DNAH9: variants seen among roughly 807,000 people sequenced by gnomAD.
DNAH9 encodes the protein dynein axonemal heavy chain 9, also known as DNAH9 variant protein.
DNAH9 carries 345 observed loss-of-function variants against 471.6 expected under a neutral mutation model. The ratio of observed to expected loss-of-function variants is 0.73; its 90% CI spans 0.67 to 0.80. DNAH9 has a LOEUF of 0.80. DNAH9 is among the 30% of genes least tolerant of loss of function. DNAH9 has a pLI of 0.00. For synonymous variants in DNAH9, 2,093 were observed against 2,123.6 expected (o/e 0.99, Z 0.40); for missense variants, 5,407 against 5,609.2 (o/e 0.96, Z 1.15).
intron 10 of DNAH9, among the ~76,000 whole-genome samples, chr17:11,640,986 ATGT>A (rs936586600): frequency 2.0e-5 from 3 of 152,246 alleles, no homozygotes; most frequent in East Asian, 3.9e-4. Flanking sequence ...GCTAATTGTG[ATGT>A]TGTGTTTAAG....
At chr17:11,643,214 G>A (rs2073311464) in intron 10 of DNAH9, among the ~76,000 whole-genome samples, 1 of 152,212 alleles carries the variant, frequency 6.6e-6, no homozygotes, top group Non-Finnish European at 1.5e-5. Context: ...CTCTTCCGTG[G>A]TCCTTAGCAT....
At chr17:11,604,692 G>A (rs761111945) in intron 1 of DNAH9, among the ~76,000 whole-genome samples, 3 of 151,936 alleles carry the variant, frequency 2.0e-5, no homozygotes, top group Non-Finnish European at 4.4e-5. Flanking sequence ...GAGTCATCCT[G>A]ACCCTTTTTT....
chr17:11,791,405 G>A (rs995980931), intron 41 of DNAH9, among the ~76,000 whole-genome samples: 2 of 152,258 alleles, frequency 1.3e-5, no homozygotes, highest in South Asian at 2.1e-4. Flanking sequence ...AAGCAAACCT[G>A]TATAAAGAAA....
intron 14 of DNAH9, among the ~76,000 whole-genome samples, chr17:11,659,189 A>C (rs902182150): frequency 9.9e-5 from 15 of 152,028 alleles, no homozygotes; most frequent in Non-Finnish European, 2.2e-4. Context: ...TTTTTGCCTA[A>C]CACCTTTATT....
intron 53 of DNAH9, among the ~76,000 whole-genome samples, chr17:11,876,005 T>A (rs778765387): frequency 3.9e-5 from 6 of 152,034 alleles, no homozygotes; most frequent in African/African-American, 9.7e-5. Context: ...ATCCACACAG[T>A]TAATAAGGTT....
intron 41 of DNAH9, among the ~76,000 whole-genome samples, chr17:11,790,339 G>A (rs1017212755): frequency 2.0e-5 from 3 of 151,922 alleles, no homozygotes; most frequent in Non-Finnish European, 4.4e-5. Flanking sequence ...TATATATTTT[G>A]AAACTGTGTT....
intron 17 of DNAH9, among the ~76,000 whole-genome samples, chr17:11,671,591 G>A (rs2150730943): frequency 6.6e-6 from 1 of 152,322 alleles, no homozygotes; most frequent in South Asian, 2.1e-4. Context: ...TAATGGCCCA[G>A]AGCATGAGAG....
chr17:11,685,306 A>G (rs933049659), intron 19 of DNAH9, among the ~76,000 whole-genome samples: 1 of 152,204 alleles, frequency 6.6e-6, no homozygotes, highest in Non-Finnish European at 1.5e-5. Flanking sequence ...AGCACATACG[A>G]AGATGCAGAA....
intron 43 of DNAH9, among the ~76,000 whole-genome samples, chr17:11,806,362 T>C (rs1969682756): frequency 6.6e-6 from 1 of 152,138 alleles, no homozygotes; most frequent in Admixed American, 6.5e-5. Context: ...ACTTAAAAAA[T>C]ATATACAGTG....
At chr17:11,822,359 G>A (rs900833259) in intron 46 of DNAH9, 79 bp from the exon 47 acceptor site, 16 of 1,520,082 alleles carry the variant, frequency 1.1e-5, no homozygotes, top group Non-Finnish European at 2.7e-6. Flanking sequence ...GGGAGCTAGA[G>A]AACCCAAGGC....
At chr17:11,839,401 A>AG (rs1387410074) in intron 49 of DNAH9, among the ~76,000 whole-genome samples, 1 of 152,038 alleles carries the variant, frequency 6.6e-6, no homozygotes, top group Non-Finnish European at 1.5e-5. Context: ...CTGTAGTCCC[A>AG]GCTACTCGGG....
chr17:11,696,246 T>G (rs2074474805), intron 22 of DNAH9, among the ~76,000 whole-genome samples: 1 of 152,260 alleles, frequency 6.6e-6, no homozygotes, highest in South Asian at 2.1e-4. Flanking sequence ...CCTACCTGTT[T>G]GCACTTTGCT....
intron 67 of DNAH9, among the ~76,000 whole-genome samples, chr17:11,958,746 AAAG>A (rs1567577986): frequency 2.0e-5 from 3 of 150,878 alleles, no homozygotes; most frequent in Admixed American, 6.6e-5. Flanking sequence ...AAAAAAAAAT[AAAG>A]TATATTAAGA....
intron 44 of DNAH9, 111 bp downstream of exon 44, chr17:11,808,005 T>C (rs1969756622): frequency 1.6e-6 from 2 of 1,235,186 alleles, no homozygotes; most frequent in Non-Finnish European, 1.1e-6. Context: ...TCCCCTTCAA[T>C]GTCTGTCCAT....
intron 27 of DNAH9, among the ~76,000 whole-genome samples, chr17:11,724,786 GTC>G (rs1445785554): frequency 6.6e-6 from 1 of 152,164 alleles, no homozygotes; most frequent in Non-Finnish European, 1.5e-5. Context: ...GTGGGGGATG[GTC>G]TCGGGATGAT....
intron 36 of DNAH9, among the ~76,000 whole-genome samples, chr17:11,766,200 A>C (rs1967928467): frequency 6.6e-6 from 1 of 152,138 alleles, no homozygotes; most frequent in South Asian, 2.1e-4. Flanking sequence ...GTTTGGTCAA[A>C]ATATTCACAT....
intron 49 of DNAH9, among the ~76,000 whole-genome samples, chr17:11,842,713 G>A (rs1323506650): frequency 2.0e-5 from 3 of 152,176 alleles, no homozygotes; most frequent in Non-Finnish European, 4.4e-5. Context: ...AGAAGACGCA[G>A]CAAGTCAGCT....
At chr17:11,622,891 C>T (rs191738447) in intron 6 of DNAH9, among the ~76,000 whole-genome samples, 14 of 152,138 alleles carry the variant, frequency 9.2e-5, no homozygotes, top group Admixed American at 2.6e-4. Context: ...CATTCTCTTA[C>T]GTGTCGTTCT....
intron 6 of DNAH9, among the ~76,000 whole-genome samples, chr17:11,621,738 G>C (rs1432121485): frequency 6.6e-6 from 1 of 152,130 alleles, no homozygotes; most frequent in South Asian, 2.1e-4. Context: ...ACGAGATCCG[G>C]GAGGAAAGAC....
Sources: gnomAD v4.1 joint callset for allele counts (sites outside exome capture counted in the v4.1 genomes callset) on GRCh38, gnomAD v4.1.1 for gene constraint, MANE v1.5 for transcripts, NCBI Gene and HGNC (gene_info 2026-07-23, HGNC 2026-07-21) for gene names.